Variants in ARHGAP26 observed in about 807,000 individuals in gnomAD.
ARHGAP26 encodes the protein rho GTPase-activating protein 26.
Under a neutral mutation model 104.8 loss-of-function variants are expected in ARHGAP26, and 38 were observed. The ratio of observed to expected loss-of-function variants is 0.36; its 90% CI spans 0.28 to 0.48. The LOEUF (loss-of-function observed/expected upper bound fraction) is 0.48. Among genes scored for constraint, ARHGAP26 ranks in the 20% least tolerant of loss-of-function variants. ARHGAP26 has a pLI of 0.99. For synonymous variants in ARHGAP26, 341 were observed against 340.0 expected (o/e 1.00, Z -0.03); for missense variants, 704 against 947.9 (o/e 0.74, Z 3.38).
intron 1 of ARHGAP26, among the ~76,000 whole-genome samples, chr5:142,796,312 A>C (rs1033932667): frequency 6.6e-6 from 1 of 152,136 alleles, no homozygotes; most frequent in Non-Finnish European, 1.5e-5. Context: ...CTCTGCCACA[A>C]ATTGCCTCTG....
intron 12 of ARHGAP26, among the ~76,000 whole-genome samples, chr5:143,020,294 G>A (rs769326477): frequency 2.6e-5 from 4 of 152,166 alleles, no homozygotes; most frequent in Non-Finnish European, 5.9e-5. Flanking sequence ...TATGAGTACC[G>A]AGAGGTAAGG....
intron 1 of ARHGAP26, among the ~76,000 whole-genome samples, chr5:142,813,317 T>C (rs1483064540): frequency 2.0e-5 from 3 of 152,236 alleles, no homozygotes; most frequent in Non-Finnish European, 4.4e-5. Context: ...TCCCAGCCTC[T>C]GAAAGGCAAT....
At chr5:143,098,093 G>A (rs1241299187) in intron 17 of ARHGAP26, among the ~76,000 whole-genome samples, 2 of 151,972 alleles carry the variant, frequency 1.3e-5, no homozygotes, top group Admixed American at 1.3e-4. Context: ...CCTCAATTTT[G>A]TTCTACTTGA....
intron 21 of ARHGAP26, among the ~76,000 whole-genome samples, chr5:143,211,615 A>G (rs1205434828): frequency 6.6e-6 from 1 of 150,546 alleles, no homozygotes; most frequent in African/African-American, 2.5e-5. Context: ...TCACTTGACT[A>G]GAGTGCAGTG....
chr5:142,894,223 C>T lies in ARHGAP26; in HGVS notation c.487-15C>T. On this transcript the variant is annotated splice_polypyrimidine_tract_variant and intron_variant, in intron 5 of 22. Transcript: ENST00000645722. ...AGTGACTTGATTTTTCTCTTAAATT[C>T]CATCTTGTTTGTAGGCAGACAGCCA... is the stretch of plus-strand genomic sequence containing the variant. 2 of 1,607,774 alleles carry T rather than the reference C, an allele frequency of 1.2e-6. No individual in the cohort carries two copies. The highest frequency in any genetic ancestry group is 8.5e-7 in the Non-Finnish European group (1 of 1,175,332).
chr5:142,870,057 G>A (rs1755047313), intron 1 of ARHGAP26, among the ~76,000 whole-genome samples: 1 of 152,186 alleles, frequency 6.6e-6, no homozygotes, highest in Non-Finnish European at 1.5e-5. Flanking sequence ...TGCTTTTCTA[G>A]CAACAGATGT....
intron 11 of ARHGAP26, among the ~76,000 whole-genome samples, chr5:142,951,909 A>C (rs942889838): frequency 6.6e-6 from 1 of 152,232 alleles, no homozygotes; most frequent in Non-Finnish European, 1.5e-5. Flanking sequence ...TCAGTATTGG[A>C]GGCCAGAAGT....
intron 20 of ARHGAP26, among the ~76,000 whole-genome samples, chr5:143,189,277 G>C (rs1404113507): frequency 6.6e-6 from 1 of 152,184 alleles, no homozygotes; most frequent in East Asian, 1.9e-4. Context: ...ATGGGGGTTA[G>C]CTTTGTTTTA....
chr5:142,964,567 C>G (rs1770953255), intron 11 of ARHGAP26, among the ~76,000 whole-genome samples: 1 of 146,330 alleles, frequency 6.8e-6, no homozygotes, highest in Non-Finnish European at 1.5e-5. Flanking sequence ...CACACACACA[C>G]ACACAAAACA....
chr5:142,807,826 C>T (rs1763270622), intron 1 of ARHGAP26, among the ~76,000 whole-genome samples: 1 of 152,256 alleles, frequency 6.6e-6, no homozygotes, highest in South Asian at 2.1e-4. Context: ...GGGACTTTAC[C>T]CGCTGTCTTT....
At chr5:142,800,324 C>T (rs1242568851) in intron 1 of ARHGAP26, among the ~76,000 whole-genome samples, 3 of 151,874 alleles carry the variant, frequency 2.0e-5, no homozygotes, top group Non-Finnish European at 4.4e-5. Flanking sequence ...GTCTCTGTCT[C>T]TCTCTCTCAA....
intron 11 of ARHGAP26, among the ~76,000 whole-genome samples, chr5:142,963,732 C>T (rs1770798240): frequency 6.6e-6 from 1 of 152,204 alleles, no homozygotes; most frequent in South Asian, 2.1e-4. Context: ...CTAGAACCTT[C>T]TATCAAATCA....
At chr5:143,130,868 C>T (rs185697209) in intron 18 of ARHGAP26, among the ~76,000 whole-genome samples, 14 of 152,252 alleles carry the variant, frequency 9.2e-5, no homozygotes, top group African/African-American at 3.1e-4. Flanking sequence ...GCAAAAGCAC[C>T]CTGTACCTTG....
In ARHGAP26 at chr5:143,041,823, C is replaced by G; in HGVS notation, c.1218C>G (p.Asn406Lys). ...CIHAVETRGINEQGLYRIVGV... is the reference protein window; with the variant it reads ...CIHAVETRGIKEQGLYRIVGV... Reference sequence around the variant, plus strand: ...CACTGTTTCTTTCCTCAGGGATCAACGAGCAAGGGCTGTATCGAATTGTGG... The same window carrying G: ...CACTGTTTCTTTCCTCAGGGATCAAGGAGCAAGGGCTGTATCGAATTGTGG... Residue 406 changes from asparagine to lysine, a missense_variant, in exon 14 of 23, where the codon AAC becomes AAG. Asn to Lys is a moderately conservative substitution (Grantham distance 94). Around this residue, in one of 6 missense-constraint regions of ARHGAP26, gnomAD observed 287 missense variants for 438.8 expected, o/e 0.65. Coordinates refer to ENST00000645722, the MANE Select transcript of ARHGAP26 (RefSeq NM_001135608.3). 1 of 1,605,924 alleles carries G rather than the reference C, an allele frequency of 6.2e-7. No homozygotes were observed. Among genetic ancestry groups the G allele is most frequent in the Non-Finnish European group, 8.5e-7 (1 of 1,176,030 alleles).
At chr5:143,130,718 C>T (rs1008845619) in intron 18 of ARHGAP26, among the ~76,000 whole-genome samples, 13 of 152,144 alleles carry the variant, frequency 8.5e-5, no homozygotes, top group African/African-American at 2.9e-4. Flanking sequence ...GAGGCAAACC[C>T]GTGGCCAGAC....
intron 1 of ARHGAP26, among the ~76,000 whole-genome samples, chr5:142,847,746 G>A (rs937414990): frequency 2.0e-5 from 3 of 152,242 alleles, no homozygotes; most frequent in African/African-American, 7.2e-5. Flanking sequence ...GTGTTGTATG[G>A]GTGGTGGGCA....
At chr5:143,087,843 T>G (rs903415526) in intron 17 of ARHGAP26, among the ~76,000 whole-genome samples, 5 of 151,268 alleles carry the variant, frequency 3.3e-5, no homozygotes, top group African/African-American at 1.2e-4. Context: ...GAGACGGGGT[T>G]TCTCCATGTT....
intron 11 of ARHGAP26, among the ~76,000 whole-genome samples, chr5:143,009,072 TC>T (rs766387179): frequency 6.6e-6 from 1 of 151,932 alleles, no homozygotes; most frequent in Non-Finnish European, 1.5e-5. Flanking sequence ...AGAGCTACTC[TC>T]CCCCCCTGGT....
chr5:142,998,367 A>G (rs533572988), intron 11 of ARHGAP26, among the ~76,000 whole-genome samples: 1 of 152,336 alleles, frequency 6.6e-6, no homozygotes, highest in Admixed American at 6.5e-5. Context: ...GAAAGGACCC[A>G]GAAGCAGCCT....
Sources: allele counts gnomAD v4.1 joint callset (sites outside exome capture counted in the v4.1 genomes callset), GRCh38; gene constraint gnomAD v4.1.1; regional missense constraint gnomAD v4.1.1; transcripts MANE v1.5; gene names NCBI Gene and HGNC (gene_info 2026-07-23, HGNC 2026-07-21).